The following LINGO2 variants were observed in gnomAD, a reference collection of about 807,000 sequenced individuals.
LINGO2 encodes the protein leucine-rich repeat and immunoglobulin-like domain-containing nogo receptor-interacting protein 2.
A neutral mutation model predicts 30.6 loss-of-function variants in LINGO2; 14 were observed. That is an observed-to-expected ratio of 0.46 (90% CI 0.30 to 0.72). LINGO2 has a LOEUF of 0.72. Ranked by LOEUF, LINGO2 falls within the 30% of genes least tolerant of loss-of-function variation. The probability of loss-of-function intolerance (pLI) is 0.07; values close to 1 mark genes in which losing one functional copy is unlikely to be tolerated. For missense variants in LINGO2, 729 were observed against 751.7 expected (o/e 0.97, Z 0.35); for synonymous variants, 317 against 288.5 (o/e 1.10, Z -1.00).
At chr9:28,042,015 CTG>C (rs138036260) in intron 4 of LINGO2, among the ~76,000 whole-genome samples, 1,817 of 152,228 alleles carry the variant, frequency 0.012, 44 homozygotes, top group African/African-American at 0.042. Context: ...GGGCAAGTAA[CTG>C]AACTTCTAGA....
chr9:29,148,562 A>T, the LINGO2 span, among the ~76,000 whole-genome samples: 4 of 152,254 alleles, frequency 2.6e-5, no homozygotes, highest in South Asian at 8.3e-4. Context: ...TTTCTTTAGC[A>T]ATCATTTTAC....
intron 1 of LINGO2, among the ~76,000 whole-genome samples, chr9:28,573,705 T>C (rs1430801503): frequency 6.6e-6 from 1 of 152,172 alleles, no homozygotes; most frequent in Non-Finnish European, 1.5e-5. Context: ...GTTATATTTT[T>C]TGATATTTTA....
At chr9:28,487,951 G>A (rs564488621) in intron 1 of LINGO2, among the ~76,000 whole-genome samples, 1 of 152,154 alleles carries the variant, frequency 6.6e-6, no homozygotes, top group South Asian at 2.1e-4. Context: ...CAAAACAAGA[G>A]AAAACAATTA....
chr9:28,946,847 G>T, the LINGO2 span, among the ~76,000 whole-genome samples: 2 of 152,068 alleles, frequency 1.3e-5, no homozygotes, highest in African/African-American at 4.8e-5. Context: ...AGGCATCACT[G>T]TTGAATAACC....
intron 2 of LINGO2, among the ~76,000 whole-genome samples, chr9:28,377,882 T>C (rs1465470646): frequency 6.6e-6 from 1 of 152,166 alleles, no homozygotes; most frequent in African/African-American, 2.4e-5. Flanking sequence ...AAAATGTTAC[T>C]TCAGGCAGTA....
At chr9:28,001,506 T>A (rs1340195946) in intron 5 of LINGO2, among the ~76,000 whole-genome samples, 1 of 150,538 alleles carries the variant, frequency 6.6e-6, no homozygotes, top group Non-Finnish European at 1.5e-5. Context: ...CAAAATATGC[T>A]CCCAATCTTC....
chr9:28,054,213 T>G (rs889531379), intron 4 of LINGO2, among the ~76,000 whole-genome samples: 2 of 152,096 alleles, frequency 1.3e-5, no homozygotes, highest in Non-Finnish European at 2.9e-5. Context: ...CAAGAAATAG[T>G]GCCAGACAGA....
At chr9:28,884,331 G>C in the LINGO2 span, among the ~76,000 whole-genome samples, 3 of 152,046 alleles carry the variant, frequency 2.0e-5, no homozygotes, top group Admixed American at 6.6e-5. Flanking sequence ...TGATTAACCA[G>C]TCACATCACA....
chr9:28,269,100 C>T (rs1194242277), intron 4 of LINGO2, among the ~76,000 whole-genome samples: 3 of 152,072 alleles, frequency 2.0e-5, no homozygotes, highest in Non-Finnish European at 4.4e-5. Flanking sequence ...TCAGAACTAT[C>T]ACCTTCTCCC....
At chr9:28,518,742 T>G (rs569121125) in intron 1 of LINGO2, among the ~76,000 whole-genome samples, 40 of 152,326 alleles carry the variant, frequency 2.6e-4, no homozygotes, top group African/African-American at 9.4e-4. Flanking sequence ...AGTATATAAG[T>G]GATTGACAAT....
intron 4 of LINGO2, among the ~76,000 whole-genome samples, chr9:28,259,542 T>C (rs974021312): frequency 1.3e-5 from 2 of 151,530 alleles, no homozygotes; most frequent in Non-Finnish European, 2.9e-5. Context: ...AAGAAGGTTT[T>C]TGAGGGAAGA....
intron 5 of LINGO2, among the ~76,000 whole-genome samples, chr9:28,006,689 G>C (rs1445759484): frequency 6.6e-6 from 1 of 152,122 alleles, no homozygotes; most frequent in East Asian, 1.9e-4. Flanking sequence ...CTCAAGGATA[G>C]ATGAAAACTC....
At chr9:28,655,800 A>G (rs1388807619) in intron 1 of LINGO2, among the ~76,000 whole-genome samples, 3 of 152,054 alleles carry the variant, frequency 2.0e-5, no homozygotes, top group African/African-American at 7.2e-5. Flanking sequence ...CTCTTCCTCC[A>G]TGATTGTAAG....
At chr9:28,366,098 G>C (rs911060976) in intron 3 of LINGO2, among the ~76,000 whole-genome samples, 2 of 152,128 alleles carry the variant, frequency 1.3e-5, no homozygotes, top group African/African-American at 4.8e-5. Flanking sequence ...ATTTTCCTTA[G>C]TACGGAAACA....
chr9:29,183,602 C>T, the LINGO2 span, among the ~76,000 whole-genome samples: 6 of 152,302 alleles, frequency 3.9e-5, no homozygotes, highest in Non-Finnish European at 8.8e-5. Context: ...TCATTCATTC[C>T]TCTATTCTGA....
chr9:28,693,230 T>C, the LINGO2 span, among the ~76,000 whole-genome samples: 3 of 152,130 alleles, frequency 2.0e-5, no homozygotes, highest in Non-Finnish European at 4.4e-5. Context: ...TTTTTAAACA[T>C]ATTGAGACAT....
chr9:28,045,087 G>GAGGAAAA (rs988068064), intron 4 of LINGO2, among the ~76,000 whole-genome samples: 1 of 151,708 alleles, frequency 6.6e-6, no homozygotes, highest in Non-Finnish European at 1.5e-5. Flanking sequence ...TATAATAGAA[G>GAGGAAAA]AGGAAAAAAT....
chr9:28,048,047 T>G (rs1824506724), intron 4 of LINGO2, among the ~76,000 whole-genome samples: 1 of 150,688 alleles, frequency 6.6e-6, no homozygotes, highest in Non-Finnish European at 1.5e-5. Context: ...ACAAAGAAGT[T>G]TTAGAACTTA....
Position 28,073,246 on chromosome 9 carries a change from C to T in LINGO2, c.-86-60841G>A, listed in dbSNP as rs535721765. On this transcript the variant is annotated intron_variant, in intron 4 of 5. Transcript: ENST00000379992. ...ACTTATCATTAGTTAAGGCCTACCC[C>T]GTATTAGCTGCTGTCCTTCAAATTT... 1.4e-4 allele frequency among the ~76,000 whole-genome samples: 21 copies of T among 152,134 alleles called. No homozygotes were observed. In the South Asian group the frequency reaches 3.1e-3, roughly 23 times the overall value.
Sources: allele counts gnomAD v4.1 joint callset (sites outside exome capture counted in the v4.1 genomes callset), GRCh38; gene constraint gnomAD v4.1.1; transcripts MANE v1.5; gene names NCBI Gene and HGNC (gene_info 2026-07-23, HGNC 2026-07-21).